The following KDM3B variants were observed in gnomAD, a reference collection of about 807,000 sequenced individuals.
KDM3B encodes lysine-specific demethylase 3B.
In KDM3B, 10 loss-of-function variants were observed where a neutral mutation model predicts 170.0. The ratio of observed to expected loss-of-function variants is 0.06; its 90% CI spans 0.04 to 0.10. The LOEUF (loss-of-function observed/expected upper bound fraction) is 0.10, where lower values mean the gene tolerates loss of function less well. KDM3B is among the 10% of genes least tolerant of loss of function. The pLI is 1.00. For synonymous variants in KDM3B, 831 were observed against 834.8 expected (o/e 1.00, Z 0.08); for missense variants, 1,394 against 2,195.2 (o/e 0.64, Z 7.29).
chr5:138,435,765 G>T lies in KDM3B; in HGVS notation c.*65G>T. 2 of 1,284,658 alleles carry T rather than the reference G, an allele frequency of 1.6e-6. No individual in the cohort carries two copies. Among genetic ancestry groups the T allele is most frequent in the South Asian group, 1.3e-5 (1 of 79,836 alleles). The allele number at this position is 1,284,658 out of a possible 1,614,324, so 79.6% of individuals were successfully genotyped here. ...TCACTCACAACACTTAACAGGGAACGGCAGGGCTCTTTGCTGGAGCAGAGG... is the reference window on the plus strand; with the variant it reads ...TCACTCACAACACTTAACAGGGAACTGCAGGGCTCTTTGCTGGAGCAGAGG... On this transcript the variant is annotated 3_prime_UTR_variant, in exon 24 of 24. Transcript: ENST00000314358.
In KDM3B at chr5:138,352,912, G is replaced by A. The variant is rs2126898017; in HGVS notation, c.117G>A (p.Gly39=). 1.5e-6 allele frequency: 2 copies of A among 1,363,784 alleles called. No homozygotes were observed. The highest frequency in any genetic ancestry group is 2.7e-4 in the Middle Eastern group (1 of 3,756). 84.5% of individuals were successfully genotyped at this position (1,363,784 alleles called of 1,614,324 possible). The part of the protein sequence containing the change: ...PAAAAASGDP[G]PALRTRAWRA... ...CGGCAGCGGCGAGCGGAGATCCGGG[G>A]CCTGCGCTGCGCACTCGAGCCTGGC... Residue 39 remains glycine, a synonymous_variant, in exon 1 of 24, where the codon GGG becomes GGA. Coordinates refer to ENST00000314358, the MANE Select transcript of KDM3B (RefSeq NM_016604.4).
At chr5:138,356,039 ATACT>A in intron 1 of KDM3B, among the ~76,000 whole-genome samples, 2 of 152,294 alleles carry the variant, frequency 1.3e-5, no homozygotes, top group Middle Eastern at 6.8e-3. Context: ...ATGGGGATCA[ATACT>A]TACAGATTTT....
chr5:138,426,140 G>A (rs937881044), intron 17 of KDM3B, among the ~76,000 whole-genome samples: 1 of 152,206 alleles, frequency 6.6e-6, no homozygotes, highest in Admixed American at 6.5e-5. Context: ...GATTCCATGG[G>A]CTATGCAGAG....
At chr5:138,413,233 A>G (rs1471244479) in intron 11 of KDM3B, among the ~76,000 whole-genome samples, 2 of 151,992 alleles carry the variant, frequency 1.3e-5, no homozygotes. Flanking sequence ...AACACAAAAA[A>G]TTAGTTGGGC....
At chr5:138,402,546 A>G (rs949649941) in intron 11 of KDM3B, among the ~76,000 whole-genome samples, 74 of 152,322 alleles carry the variant, frequency 4.9e-4, no homozygotes, top group African/African-American at 1.8e-3. Flanking sequence ...GTTGTATGTA[A>G]CATGGTTAGA....
intron 4 of KDM3B, among the ~76,000 whole-genome samples, chr5:138,378,876 A>C (rs1197481194): frequency 6.6e-6 from 1 of 151,494 alleles, no homozygotes; most frequent in Non-Finnish European, 1.5e-5. Context: ...TCTGATAGAG[A>C]ATAATCTAAA....
At chr5:138,376,682 C>T (rs1477661106) in intron 3 of KDM3B, among the ~76,000 whole-genome samples, 4 of 146,756 alleles carry the variant, frequency 2.7e-5, no homozygotes, top group South Asian at 2.2e-4. Context: ...CCAGCCTGGG[C>T]GACTGAGTGA....
At chr5:138,390,128 G>C (rs1762391233) in intron 7 of KDM3B, among the ~76,000 whole-genome samples, 1 of 151,916 alleles carries the variant, frequency 6.6e-6, no homozygotes, top group Non-Finnish European at 1.5e-5. Flanking sequence ...CAAAGTACTG[G>C]GATTACAGGC....
chr5:138,405,277 G>A (rs1329621557), intron 11 of KDM3B, among the ~76,000 whole-genome samples: 3 of 151,094 alleles, frequency 2.0e-5, no homozygotes, highest in Non-Finnish European at 4.4e-5. Flanking sequence ...TCCTGATCTC[G>A]TGATCCACCC....
At chr5:138,397,515 T>C (rs770790632) in intron 9 of KDM3B, among the ~76,000 whole-genome samples, 10 of 150,884 alleles carry the variant, frequency 6.6e-5, no homozygotes, top group Admixed American at 1.3e-4. Context: ...CTCCAAAAAA[T>C]AAATAAATAA....
chr5:138,386,058 A>G lies in KDM3B; in HGVS notation c.817A>G (p.Lys273Glu). Residue 273 changes from lysine to glutamate, a missense_variant, in exon 7 of 24, where the codon AAG becomes GAG. Physicochemically the swap from Lys to Glu is moderately conservative, Grantham distance 56. Around this residue, in one of 19 missense-constraint regions of KDM3B, gnomAD observed 166 missense variants for 216.4 expected, o/e 0.77. Transcript: ENST00000314358. Reference protein sequence around the residue: ...TLKAVKSSKGKKKRESIEGKD... With the variant: ...TLKAVKSSKGEKKRESIEGKD... The stretch of plus-strand genomic sequence containing the variant: ...AAAAGCAGTAAAATCTTCCAAAGGA[A>G]AGAAGAAGAGAGAAAGCATAGAGGG... The G allele has an allele frequency of 6.2e-7, 1 of 1,609,840 alleles. No individual in the cohort carries two copies. The highest frequency in any genetic ancestry group is 2.2e-5 in the East Asian group (1 of 44,848).
chr5:138,375,538 C>T (rs570941438), intron 3 of KDM3B, among the ~76,000 whole-genome samples: 3 of 151,956 alleles, frequency 2.0e-5, no homozygotes, highest in South Asian at 4.2e-4. Flanking sequence ...CCACAAAGCC[C>T]GGCTTATTTT....
At chr5:138,430,196 A>T in intron 21 of KDM3B, 53 bp from the exon 22 acceptor site, 1 of 1,585,110 alleles carries the variant, frequency 6.3e-7, no homozygotes, top group South Asian at 1.1e-5. Context: ...AGTTGGATTT[A>T]TGCTGTTAAT....
At chr5:138,371,360 G>A (rs1761870062) in intron 1 of KDM3B, among the ~76,000 whole-genome samples, 1 of 151,376 alleles carries the variant, frequency 6.6e-6, no homozygotes. Context: ...CCAGGAGGCT[G>A]AGGGAGAATT....
chr5:138,386,211 T>C lies in KDM3B; in HGVS notation c.970T>C (p.Trp324Arg). The C allele has an allele frequency of 6.2e-7, 1 of 1,613,922 alleles. No individual in the cohort carries two copies. Among genetic ancestry groups the C allele is most frequent in the African/African-American group, 1.3e-5 (1 of 74,930 alleles). The change falls in exon 7 of 24, where the codon TGG becomes CGG. Residue 324 changes from tryptophan to arginine, a missense_variant. Coordinates refer to ENST00000314358, the MANE Select transcript of KDM3B (RefSeq NM_016604.4). ...SDGGEASRGP[W>R]KGGNASGEPG... The stretch of plus-strand genomic sequence containing the variant: ...TGGAGGTGAGGCAAGCCGAGGGCCC[T>C]GGAAAGGAGGGAATGCCAGTGGAGA...
At chr5:138,387,929 A>C (rs1297097375) in intron 7 of KDM3B, among the ~76,000 whole-genome samples, 1 of 151,992 alleles carries the variant, frequency 6.6e-6, no homozygotes. Flanking sequence ...AAAATACAAA[A>C]AATTAGCCGG....
chr5:138,360,512 T>C (rs1469817791), intron 1 of KDM3B, among the ~76,000 whole-genome samples: 1 of 127,800 alleles, frequency 7.8e-6, no homozygotes, highest in Admixed American at 8.7e-5. Flanking sequence ...GTTGATTTTT[T>C]AAAAAAAGAT....
At chr5:138,404,210 A>G (rs1762760873) in intron 11 of KDM3B, among the ~76,000 whole-genome samples, 6 of 152,256 alleles carry the variant, frequency 3.9e-5, no homozygotes, top group Admixed American at 3.9e-4. Context: ...AAATATTTAA[A>G]TAAAACCAAA....
intron 1 of KDM3B, among the ~76,000 whole-genome samples, chr5:138,365,922 C>T (rs758159309): frequency 1.1e-4 from 17 of 152,130 alleles, no homozygotes; most frequent in East Asian, 3.9e-4. Flanking sequence ...CGTTTGAACC[C>T]GGGAAGCGGA....
Sources: gnomAD v4.1 joint callset for allele counts (sites outside exome capture counted in the v4.1 genomes callset) on GRCh38, gnomAD v4.1.1 for gene constraint, gnomAD v4.1.1 regional missense constraint, MANE v1.5 for transcripts, NCBI Gene and HGNC (gene_info 2026-07-23, HGNC 2026-07-21) for gene names.